The following NCOA2 variants were observed in gnomAD, a reference collection of about 807,000 sequenced individuals.
NCOA2 encodes class E basic helix-loop-helix protein 75.
Under a neutral mutation model 145.1 loss-of-function variants are expected in NCOA2, and 21 were observed. That is an observed-to-expected ratio of 0.14 (90% confidence interval 0.10 to 0.21). The LOEUF (loss-of-function observed/expected upper bound fraction) is 0.21, where lower values mean the gene tolerates loss of function less well. Among genes scored for constraint, NCOA2 ranks in the 10% least tolerant of loss-of-function variants. The probability of loss-of-function intolerance (pLI) is 1.00; values close to 1 mark genes in which losing one functional copy is unlikely to be tolerated. For synonymous variants in NCOA2, 619 were observed against 637.5 expected, an observed-to-expected ratio of 0.97 and a Z score of 0.44; for missense variants, 1,472 against 1,837.6, an observed-to-expected ratio of 0.80 and a Z score of 3.64.
chr8:70,383,277 G>T lies in NCOA2; in HGVS notation c.-77+20423C>A, dbSNP rs559802029. 2.0e-5 allele frequency among the ~76,000 whole-genome samples: 3 copies of T among 152,288 alleles called. No individual in the cohort carries two copies. In the South Asian group the frequency reaches 6.2e-4, roughly 32 times the overall value. Reference sequence around the variant, plus strand: ...ATCTAAGAGGAAAACACCTCACCAAGGAGGAGCTGGACCAGGAATTACCTC... The same window carrying T: ...ATCTAAGAGGAAAACACCTCACCAATGAGGAGCTGGACCAGGAATTACCTC... On this transcript the variant is annotated intron_variant, in intron 1 of 22. Transcript: ENST00000452400.
chr8:70,386,948 T>C (rs1199393006), intron 1 of NCOA2, among the ~76,000 whole-genome samples: 4 of 152,126 alleles, frequency 2.6e-5, no homozygotes, highest in Non-Finnish European at 5.9e-5. Context: ...TCTGACTCTG[T>C]CGCCCAGGCT....
At chr8:70,384,764 A>T (rs1812510844) in intron 1 of NCOA2, among the ~76,000 whole-genome samples, 1 of 152,216 alleles carries the variant, frequency 6.6e-6, no homozygotes, top group East Asian at 1.9e-4. Flanking sequence ...TCTGTAAAAC[A>T]GCACTGTCAG....
At chr8:70,153,134 C>A (rs1211069901) in intron 11 of NCOA2, among the ~76,000 whole-genome samples, 1 of 152,180 alleles carries the variant, frequency 6.6e-6, no homozygotes, top group Non-Finnish European at 1.5e-5. Context: ...GTTAAAATTG[C>A]TCTAAAGCAG....
intron 1 of NCOA2, among the ~76,000 whole-genome samples, chr8:70,359,893 T>A (rs1489915426): frequency 1.3e-5 from 2 of 152,184 alleles, no homozygotes; most frequent in African/African-American, 4.8e-5. Flanking sequence ...AAATTTTACT[T>A]TGAATGTGGA....
intron 1 of NCOA2, among the ~76,000 whole-genome samples, chr8:70,393,691 C>T (rs1813407423): frequency 6.6e-6 from 1 of 152,234 alleles, no homozygotes; most frequent in African/African-American, 2.4e-5. Context: ...CTGCCCAAGC[C>T]TTTGCTTCCC....
chr8:70,441,521 AAG>A, the NCOA2 span, among the ~76,000 whole-genome samples: 2 of 151,104 alleles, frequency 1.3e-5, no homozygotes, highest in South Asian at 2.1e-4. Context: ...AAGAAAGAAA[AAG>A]AGAAGAAAGG....
intron 2 of NCOA2, among the ~76,000 whole-genome samples, chr8:70,227,689 T>C (rs1162114051): frequency 1.3e-5 from 2 of 152,048 alleles, no homozygotes; most frequent in African/African-American, 4.8e-5. Flanking sequence ...GCTCCCCTGC[T>C]CCAAAAAGAT....
intron 22 of NCOA2, among the ~76,000 whole-genome samples, chr8:70,118,349 G>A (rs1336671170): frequency 6.6e-6 from 1 of 152,100 alleles, no homozygotes; most frequent in East Asian, 1.9e-4. Context: ...TTCAACTTCT[G>A]CACATAAGCC....
At chr8:70,348,478 T>C (rs999151889) in intron 1 of NCOA2, among the ~76,000 whole-genome samples, 5 of 152,164 alleles carry the variant, frequency 3.3e-5, no homozygotes, top group Non-Finnish European at 5.9e-5. Context: ...TTTAGCAAAT[T>C]TAATCTCACC....
chr8:70,168,174 C>T (rs1209236728), intron 6 of NCOA2, among the ~76,000 whole-genome samples: 2 of 152,274 alleles, frequency 1.3e-5, no homozygotes, highest in African/African-American at 4.8e-5. Flanking sequence ...CCCATGGCCA[C>T]TGGGCTGTAG....
chr8:70,349,719 T>C (rs1382587852), intron 1 of NCOA2, among the ~76,000 whole-genome samples: 1 of 152,128 alleles, frequency 6.6e-6, no homozygotes, highest in Non-Finnish European at 1.5e-5. Context: ...TAGGAAAAAA[T>C]ATGTTCTAAA....
In NCOA2 at chr8:70,149,726, A is replaced by G. The variant is rs1046694573; in HGVS notation, c.2395-1243T>C. Among the ~76,000 whole-genome samples the G allele has an allele frequency of 2.6e-5, 4 of 152,204 alleles. No homozygotes were observed. In the East Asian group the frequency reaches 7.7e-4, roughly 29 times the overall value. On this transcript the variant is annotated intron_variant, in intron 11 of 22. Transcript: ENST00000452400. The stretch of plus-strand genomic sequence containing the variant: ...TAAATATAACCTATCTATGTGCCAG[A>G]TATTTAAAATCAGATAGTGCATGCT...
Position 70,248,845 on chromosome 8 carries a change from C to T in NCOA2, c.-19-32081G>A, listed in dbSNP as rs187392729. On this transcript the variant is annotated intron_variant, in intron 2 of 22. Coordinates refer to ENST00000452400, the MANE Select transcript of NCOA2 (RefSeq NM_006540.4). ...GCCGAATCTAGTGTGCAGAACCCAC[C>T]AATACAGAGGGTGACTGTATAGTAA... Among the ~76,000 whole-genome samples the T allele has an allele frequency of 2.6e-4, 39 of 151,054 alleles. No homozygotes were observed. The East Asian group carries it at 7.5e-3, about 29-fold the overall frequency.
intron 2 of NCOA2, among the ~76,000 whole-genome samples, chr8:70,268,759 A>T (rs1220091420): frequency 6.6e-6 from 1 of 152,210 alleles, no homozygotes; most frequent in Non-Finnish European, 1.5e-5. Context: ...ACCTAACATG[A>T]ATTCTGTACA....
the NCOA2 span, among the ~76,000 whole-genome samples, chr8:70,425,859 A>G: frequency 6.6e-6 from 1 of 152,202 alleles, no homozygotes; most frequent in Middle Eastern, 3.4e-3. Context: ...GTGTGCCACT[A>G]TGGCCCTAGG....
intron 1 of NCOA2, among the ~76,000 whole-genome samples, chr8:70,400,393 T>C (rs1306608086): frequency 6.6e-6 from 1 of 152,174 alleles, no homozygotes; most frequent in Non-Finnish European, 1.5e-5. Flanking sequence ...AGAGGTTTTT[T>C]TCCCCCCAAG....
At chr8:70,231,786 T>TACC in intron 2 of NCOA2, among the ~76,000 whole-genome samples, 1 of 152,186 alleles carries the variant, frequency 6.6e-6, no homozygotes, top group Admixed American at 6.5e-5. Context: ...GATGCCCTTA[T>TACC]ATAGAATCTT....
chr8:70,320,144 A>G (rs1456204841), intron 1 of NCOA2, among the ~76,000 whole-genome samples: 1 of 152,194 alleles, frequency 6.6e-6, no homozygotes, highest in Non-Finnish European at 1.5e-5. Context: ...CCTCATTTCT[A>G]TGTAAGTTAA....
At chr8:70,119,897 T>A (rs552301593) in intron 22 of NCOA2, among the ~76,000 whole-genome samples, 2 of 150,808 alleles carry the variant, frequency 1.3e-5, no homozygotes, top group South Asian at 4.2e-4. Flanking sequence ...TGAGATGGAG[T>A]CTCACTCTGT....
Sources: gnomAD v4.1 joint callset for allele counts (sites outside exome capture counted in the v4.1 genomes callset) on GRCh38, gnomAD v4.1.1 for gene constraint, MANE v1.5 for transcripts, NCBI Gene and HGNC (gene_info 2026-07-23, HGNC 2026-07-21) for gene names.